TRIM27: variants seen among roughly 807,000 people sequenced by gnomAD.
TRIM27 encodes the protein zinc finger protein RFP.
TRIM27 carries 12 observed loss-of-function variants against 57.6 expected under a neutral mutation model. That is an observed-to-expected ratio of 0.21 (90% CI 0.13 to 0.34). TRIM27 has a LOEUF of 0.34. Among genes scored for constraint, TRIM27 ranks in the 10% least tolerant of loss-of-function variants. The pLI is 1.00. For missense variants in TRIM27, 403 were observed against 656.8 expected (o/e 0.61, Z 4.22); for synonymous variants, 266 against 259.0 (o/e 1.03, Z -0.26).
intron 4 of TRIM27, among the ~76,000 whole-genome samples, chr6:28,909,783 A>G (rs551235192): frequency 1.2e-4 from 19 of 152,296 alleles, no homozygotes; most frequent in Admixed American, 5.2e-4. Context: ...TGTGGGGGAC[A>G]TTACCCAATT....
chr6:28,921,459 A>C (rs1009094838), intron 2 of TRIM27, among the ~76,000 whole-genome samples: 2 of 152,180 alleles, frequency 1.3e-5, no homozygotes, highest in African/African-American at 4.8e-5. Flanking sequence ...GACTGGAGGA[A>C]GAGGGCAGAG....
At chr6:28,914,387 G>A (rs1404834753) in intron 3 of TRIM27, among the ~76,000 whole-genome samples, 8 of 151,646 alleles carry the variant, frequency 5.3e-5, no homozygotes, top group East Asian at 1.9e-4. Context: ...CACCTGCCTC[G>A]GCCTCCCAAA....
intron 3 of TRIM27, chr6:28,915,249 A>C: frequency 6.9e-6 from 1 of 145,278 alleles, no homozygotes. Flanking sequence ...TTTCCTCATC[A>C]TCCACCTTCA....
chr6:28,907,341 C>G lies in TRIM27; in HGVS notation c.920-79G>C, dbSNP rs1423398405. The stretch of plus-strand genomic sequence containing the variant: ...CATAACTAAGGGGGCTTTGGTTAGT[C>G]ATCATAAAGCAGTGGTCTCCACCAG... On this transcript the variant is annotated intron_variant, in intron 6 of 7. Transcript: ENST00000377199. 4 of 1,425,594 alleles carry G rather than the reference C, an allele frequency of 2.8e-6. No individual in the cohort carries two copies. The Admixed American group carries it at 7.4e-5, about 26-fold the overall frequency. The allele number at this position is 1,425,594 out of a possible 1,614,324, so 88.3% of individuals were successfully genotyped here.
rs781246513 is a variant in TRIM27 at position 28,908,995 on chromosome 6, C to T, written c.864G>A (p.Thr288=). 6 of 1,613,802 alleles carry T rather than the reference C, an allele frequency of 3.7e-6. No homozygotes were observed. Among genetic ancestry groups the T allele is most frequent in the South Asian group, 2.2e-5 (2 of 91,020 alleles). ...TACCTGTGAACTGCTTTAGACTCTC[C>T]GTCAAGAATAGACATTTTTGGGCAA... is the stretch of plus-strand genomic sequence containing the variant. ...HIFAQKCLFL[T]ESLKQFTEKM... Residue 288 remains threonine, a synonymous_variant, in exon 5 of 8, where the codon ACG becomes ACA. Coordinates refer to ENST00000377199, the MANE Select transcript of TRIM27 (RefSeq NM_006510.5).
In TRIM27 at chr6:28,920,121, T is replaced by C. The variant is rs752135775; in HGVS notation, c.638A>G (p.Asn213Ser). Reference sequence around the variant, plus strand: ...CTGGGTGATGGCACCATTGATGCTATTGTAGATGGCCAAGTCTAGCTCCTC... The same window carrying C: ...CTGGGTGATGGCACCATTGATGCTACTGTAGATGGCCAAGTCTAGCTCCTC... ...RLEELDLAIYNSINGAITQFS... is the reference protein window; with the variant it reads ...RLEELDLAIYSSINGAITQFS... Residue 213 changes from asparagine (N) to serine (S), a missense_variant, in exon 3 of 8, where the codon AAT becomes AGT. Transcript: ENST00000377199. The C allele has an allele frequency of 1.1e-5, 18 of 1,614,090 alleles. No homozygotes were observed. Among genetic ancestry groups the C allele is most frequent in the East Asian group, 2.2e-5 (1 of 44,894 alleles).
chr6:28,923,171 T>C (rs1408672361), intron 1 of TRIM27, 42 bp downstream of exon 1: 11 of 1,504,154 alleles, frequency 7.3e-6, no homozygotes, highest in African/African-American at 1.4e-5. Flanking sequence ...CTCCTCCCTT[T>C]GTCCGACTCG....
Position 28,909,075 on chromosome 6 carries a change from T to C in TRIM27, c.784A>G (p.Arg262Gly), listed in dbSNP as rs761203448. ...GDTLSRAERI[R>G]IPEPWITPPD... ...GGTGTGATCCAAGGTTCAGGAATCC[T>C]GATTCTTTCAGCCCTAAATTTAAAA... Residue 262 changes from arginine (R) to glycine (G), a missense_variant, in exon 5 of 8, where the codon AGG becomes GGG. Coordinates refer to ENST00000377199, the MANE Select transcript of TRIM27 (RefSeq NM_006510.5). 6 of 1,606,902 alleles carry C rather than the reference T, an allele frequency of 3.7e-6. No homozygotes were observed. Among genetic ancestry groups the C allele is most frequent in the Non-Finnish European group, 4.2e-6 (5 of 1,177,922 alleles).
chr6:28,923,733 C>A lies in TRIM27; in HGVS notation c.-101G>T, dbSNP rs1476822541. ...TCTCCGGTTCGCTGTTCCTGAGAGG[C>A]ACCGGGCGGACGGAGGGCGGCGCCT... On this transcript the variant is annotated 5_prime_UTR_variant, in exon 1 of 8. Transcript: ENST00000377199. 16 of 1,321,670 alleles carry A rather than the reference C, an allele frequency of 1.2e-5. No homozygotes were observed. Among genetic ancestry groups the A allele is most frequent in the African/African-American group, 3.0e-5 (2 of 66,026 alleles). 81.9% of individuals were successfully genotyped at this position (1,321,670 alleles called of 1,614,324 possible). A position where few individuals can be genotyped will look rare whatever the true frequency, so the allele number is the denominator to read the frequency against.
At position 28,903,509 on chromosome 6, in the gene TRIM27, G is replaced by A. The variant is rs115769413; in HGVS notation, c.*561C>T. The A allele has an allele frequency of 5.1e-3, 1,191 of 234,106 alleles. 6 individuals carry two copies. The highest frequency in any genetic ancestry group is 7.6e-3 in the Non-Finnish European group (907 of 118,680). 14.5% of individuals were successfully genotyped at this position (234,106 alleles called of 1,614,324 possible). A position where few individuals can be genotyped will look rare whatever the true frequency, so the allele number is the denominator to read the frequency against. ...TACCCACCATTATTGTAAAATAACT[G>A]TAACTAACCAAAACACATACAGGCT... On this transcript the variant is annotated 3_prime_UTR_variant, in exon 8 of 8. Coordinates refer to ENST00000377199, the MANE Select transcript of TRIM27 (RefSeq NM_006510.5).
chr6:28,920,008 T>G lies in TRIM27; in HGVS notation c.747+4A>C. 2 of 1,610,688 alleles carry G rather than the reference T, an allele frequency of 1.2e-6. No individual in the cohort carries two copies. Among genetic ancestry groups the G allele is most frequent in the Non-Finnish European group, 1.7e-6 (2 of 1,178,682 alleles). On this transcript the variant is annotated splice_donor_region_variant and intron_variant, in intron 3 of 7. Transcript: ENST00000377199. The stretch of plus-strand genomic sequence containing the variant: ...CTGCTCTAGCAGGGCTCTGCAAGCC[T>G]TACCTGCAGGAGCTCCCTGGTGGGC...
chr6:28,923,569 A>T lies in TRIM27; in HGVS notation c.64T>A (p.Tyr22Asn). Residue 22 changes from tyrosine to asparagine, a missense_variant, in exon 1 of 8, where the codon TAC becomes AAC. Coordinates refer to ENST00000377199, the MANE Select transcript of TRIM27 (RefSeq NM_006510.5). ...QETTCPVCLQ[Y>N]FAEPMMLDCG... ...TCGAGCATCATGGGCTCTGCGAAGT[A>T]CTGCAGGCACACGGGGCAGGTGGTC... 6.2e-7 allele frequency: 1 copy of T among 1,609,742 alleles called. No individual in the cohort carries two copies. The highest frequency in any genetic ancestry group is 8.5e-7 in the Non-Finnish European group (1 of 1,178,410).
At chr6:28,909,358 C>T (rs886603516) in intron 4 of TRIM27, among the ~76,000 whole-genome samples, 2 of 152,182 alleles carry the variant, frequency 1.3e-5, no homozygotes, top group Admixed American at 6.5e-5. Context: ...CCTCCCGCCT[C>T]GGCCTCCCAA....
At chr6:28,917,540 T>C (rs1391004471) in intron 3 of TRIM27, among the ~76,000 whole-genome samples, 2 of 149,244 alleles carry the variant, frequency 1.3e-5, no homozygotes, top group African/African-American at 5.0e-5. Flanking sequence ...ATTGCACCAC[T>C]GCACTCCAGC....
At chr6:28,919,270 A>G (rs1336414295) in intron 3 of TRIM27, among the ~76,000 whole-genome samples, 2 of 152,242 alleles carry the variant, frequency 1.3e-5, no homozygotes, top group African/African-American at 4.8e-5. Context: ...TCGGCCCCCC[A>G]AAGTGCTGGG....
At chr6:28,917,233 G>A (rs941233204) in intron 3 of TRIM27, among the ~76,000 whole-genome samples, 1 of 152,070 alleles carries the variant, frequency 6.6e-6, no homozygotes, top group Non-Finnish European at 1.5e-5. Context: ...TGCTTACTCA[G>A]TGCCCACGCC....
intron 6 of TRIM27, 119 bp from the exon 7 acceptor site, chr6:28,907,381 C>T (rs866193753): frequency 2.1e-6 from 2 of 958,496 alleles, no homozygotes; most frequent in Middle Eastern, 2.1e-4. Flanking sequence ...CCCAGAACCT[C>T]TGTTGTTAGT....
intron 4 of TRIM27, among the ~76,000 whole-genome samples, chr6:28,910,803 TTGCTTAGGTCATC>T (rs1347036027): frequency 3.3e-5 from 5 of 152,144 alleles, no homozygotes; most frequent in Admixed American, 1.3e-4. Flanking sequence ...ACAGTATTAT[TTGCTTAGGTCATC>T]TGGCTGGGAC....
intron 3 of TRIM27, among the ~76,000 whole-genome samples, chr6:28,916,382 G>A (rs150292065): frequency 0.031 from 4,720 of 151,564 alleles, 91 homozygotes; most frequent in South Asian, 0.067. Context: ...GGGAAACCCC[G>A]TCTCTACTAA....
Sources: allele counts gnomAD v4.1 joint callset (sites outside exome capture counted in the v4.1 genomes callset), GRCh38; gene constraint gnomAD v4.1.1; transcripts MANE v1.5; gene names NCBI Gene and HGNC (gene_info 2026-07-23, HGNC 2026-07-21).